MXI1: variants seen among roughly 807,000 people sequenced by gnomAD.
MXI1 encodes max-interacting protein 1.
Under a neutral mutation model 36.9 loss-of-function variants are expected in MXI1, and 18 were observed. That is an observed-to-expected ratio of 0.49 (90% confidence interval 0.34 to 0.72). MXI1 has a LOEUF of 0.72. MXI1 is among the 30% of genes least tolerant of loss of function. MXI1 has a pLI of 0.01. For synonymous variants in MXI1, 160 were observed against 146.7 expected, an observed-to-expected ratio of 1.09 and a Z score of -0.65; for missense variants, 304 against 379.1, an observed-to-expected ratio of 0.80 and a Z score of 1.64.
chr10:110,208,841 C>T (rs565443404), intron 1 of MXI1, among the ~76,000 whole-genome samples: 2 of 151,318 alleles, frequency 1.3e-5, no homozygotes, highest in South Asian at 4.2e-4. Flanking sequence ...CGTGGGGACG[C>T]GGCTAGAAGG....
At chr10:110,216,334 C>A (rs1344786138) in intron 1 of MXI1, among the ~76,000 whole-genome samples, 1 of 152,118 alleles carries the variant, frequency 6.6e-6, no homozygotes, top group Non-Finnish European at 1.5e-5. Context: ...TTTATTCATT[C>A]ATTAATTAAA....
In MXI1 at chr10:110,218,853, C is replaced by G. The variant is rs553111749; in HGVS notation, c.275-9336C>G. 7.4e-4 allele frequency among the ~76,000 whole-genome samples: 113 copies of G among 152,316 alleles called. 1 individual carries two copies. Among genetic ancestry groups the G allele is most frequent in the South Asian group, 1.7e-3 (8 of 4,832 alleles). Reference sequence around the variant, plus strand: ...GAGCCAAGGGCTTCTGCCAGGGAAGCCAGAGGAGAGAGGCAAGTGTGAGCT... The same window carrying G: ...GAGCCAAGGGCTTCTGCCAGGGAAGGCAGAGGAGAGAGGCAAGTGTGAGCT... On this transcript the variant is annotated intron_variant, in intron 1 of 5. Transcript: ENST00000332674.
At position 110,236,961 on chromosome 10, in the gene MXI1, T is replaced by C. The variant is rs923325464; in HGVS notation, c.408-7867T>C. On this transcript the variant is annotated intron_variant, in intron 2 of 5. Coordinates refer to ENST00000332674, the MANE Select transcript of MXI1 (RefSeq NM_130439.3). ...TAGATATTTTCAAATTTCAGCAGTA[T>C]TTTTTAGGTTTTCAGAGTATGGGTC... Among the ~76,000 whole-genome samples the C allele has an allele frequency of 1.1e-4, 16 of 152,342 alleles. No homozygotes were observed. In the South Asian group the frequency reaches 3.1e-3, roughly 30 times the overall value.
At chr10:110,241,885 T>C (rs149560295) in intron 2 of MXI1, among the ~76,000 whole-genome samples, 1 of 152,142 alleles carries the variant, frequency 6.6e-6, no homozygotes, top group East Asian at 1.9e-4. Context: ...GGCCAAGGCA[T>C]GTGTAATACT....
intron 1 of MXI1, among the ~76,000 whole-genome samples, chr10:110,208,747 C>CT (rs1854427855): frequency 2.7e-5 from 4 of 148,684 alleles, no homozygotes; most frequent in Admixed American, 1.3e-4. Flanking sequence ...GCCGCCCCCC[C>CT]CCCCCCAAAG....
intron 3 of MXI1, among the ~76,000 whole-genome samples, chr10:110,251,368 A>T (rs1856079827): frequency 6.6e-6 from 1 of 152,152 alleles, no homozygotes; most frequent in African/African-American, 2.4e-5. Flanking sequence ...TGGCATCATG[A>T]TAGATCAAAT....
At position 110,286,364 on chromosome 10, in the gene MXI1, C is replaced by A. The variant is rs926285873; in HGVS notation, c.*1377C>A. ...GCCTGCACTTTGATGTCATGTGTTC[C>A]CTTTGTCTTTCAAACTCCAAGGTTC... is the stretch of plus-strand genomic sequence containing the variant. On this transcript the variant is annotated 3_prime_UTR_variant, in exon 6 of 6. Coordinates refer to ENST00000332674, the MANE Select transcript of MXI1 (RefSeq NM_130439.3). The A allele has an allele frequency of 2.0e-5, 3 of 152,158 alleles. No homozygotes were observed. Among genetic ancestry groups the A allele is most frequent in the Non-Finnish European group, 4.4e-5 (3 of 67,918 alleles). 9.4% of individuals were successfully genotyped at this position (152,158 alleles called of 1,614,324 possible). A position where few individuals can be genotyped will look rare whatever the true frequency, so the allele number is the denominator to read the frequency against.
rs1056222569 is a variant in MXI1, at chr10:110,234,801, G to A, written c.407+6480G>A. On this transcript the variant is annotated intron_variant, in intron 2 of 5. Coordinates refer to ENST00000332674, the MANE Select transcript of MXI1 (RefSeq NM_130439.3). ...TTTAACTTCGAGAATATGTTTAAGAGCAATTATTTTAACCTTCAAAATTCT... is the reference window on the plus strand; with the variant it reads ...TTTAACTTCGAGAATATGTTTAAGAACAATTATTTTAACCTTCAAAATTCT... Among the ~76,000 whole-genome samples, 4 of 152,058 alleles carry A rather than the reference G, an allele frequency of 2.6e-5. No homozygotes were observed. In the East Asian group the frequency reaches 7.7e-4, roughly 29 times the overall value.
chr10:110,240,123 C>T (rs1015207942), intron 2 of MXI1, among the ~76,000 whole-genome samples: 6 of 151,974 alleles, frequency 3.9e-5, no homozygotes, highest in Non-Finnish European at 7.4e-5. Flanking sequence ...ATTCTCATTG[C>T]TGTGTAATAT....
At chr10:110,267,597 AG>A (rs1856718267) in intron 3 of MXI1, among the ~76,000 whole-genome samples, 1 of 152,224 alleles carries the variant, frequency 6.6e-6, no homozygotes, top group Non-Finnish European at 1.5e-5. Flanking sequence ...TCTCTAAATA[AG>A]GTTCTTTTTT....
intron 5 of MXI1, among the ~76,000 whole-genome samples, chr10:110,281,820 A>T (rs1447618914): frequency 6.6e-6 from 1 of 152,126 alleles, no homozygotes; most frequent in African/African-American, 2.4e-5. Flanking sequence ...ACTTCCTGTT[A>T]TGTCAGTATT....
At chr10:110,243,541 T>G (rs1057048070) in intron 2 of MXI1, among the ~76,000 whole-genome samples, 2 of 152,086 alleles carry the variant, frequency 1.3e-5, no homozygotes, top group Non-Finnish European at 2.9e-5. Context: ...ATTAAAGCCA[T>G]AAATATTCTT....
At chr10:110,223,087 T>C (rs972218060) in intron 1 of MXI1, among the ~76,000 whole-genome samples, 1 of 152,198 alleles carries the variant, frequency 6.6e-6, no homozygotes, top group Non-Finnish European at 1.5e-5. Flanking sequence ...ATCTCCCTCT[T>C]GGCCATGGCT....
At chr10:110,268,099 G>A (rs1259051836) in intron 3 of MXI1, among the ~76,000 whole-genome samples, 1 of 152,154 alleles carries the variant, frequency 6.6e-6, no homozygotes, top group Non-Finnish European at 1.5e-5. Flanking sequence ...ATACTTAGGC[G>A]AGAGAGCCAC....
chr10:110,250,795 G>A (rs965347595), intron 3 of MXI1, among the ~76,000 whole-genome samples: 12 of 144,942 alleles, frequency 8.3e-5, no homozygotes, highest in Non-Finnish European at 7.5e-5. Context: ...TCACACCACT[G>A]CATTCCAGCC....
chr10:110,263,859 G>A (rs773427835), intron 3 of MXI1, among the ~76,000 whole-genome samples: 3 of 152,132 alleles, frequency 2.0e-5, no homozygotes, highest in Non-Finnish European at 2.9e-5. Flanking sequence ...TTTCATGGAA[G>A]TTTCCATGAT....
chr10:110,279,258 A>C lies in MXI1; in HGVS notation c.516A>C (p.Thr172=). 1.2e-6 allele frequency: 2 copies of C among 1,614,180 alleles called. No individual in the cohort carries two copies. Among genetic ancestry groups the C allele is most frequent in the Non-Finnish European group, 1.7e-6 (2 of 1,180,010 alleles). ...GACCAGACTGCACCCGGCACACAAC[A>C]CTTGGTTTGCTCAACAAAGCCAAAG... ...PLGPDCTRHT[T]LGLLNKAKAH... is the part of the protein sequence containing the mutation. Residue 172 remains threonine, a synonymous_variant, in exon 4 of 6, where the codon ACA becomes ACC. Coordinates refer to ENST00000332674, the MANE Select transcript of MXI1 (RefSeq NM_130439.3).
intron 1 of MXI1, among the ~76,000 whole-genome samples, chr10:110,209,685 G>C (rs1222998067): frequency 6.6e-6 from 1 of 152,208 alleles, no homozygotes; most frequent in Non-Finnish European, 1.5e-5. Context: ...GGGAAGCTAT[G>C]TGTGCATTTG....
intron 3 of MXI1, among the ~76,000 whole-genome samples, chr10:110,266,863 C>A (rs952206388): frequency 3.9e-5 from 6 of 152,112 alleles, no homozygotes; most frequent in Non-Finnish European, 8.8e-5. Context: ...AAAATTTTAA[C>A]CCATAACCTA....
Sources: allele counts gnomAD v4.1 joint callset (sites outside exome capture counted in the v4.1 genomes callset), GRCh38; gene constraint gnomAD v4.1.1; transcripts MANE v1.5; gene names NCBI Gene and HGNC (gene_info 2026-07-23, HGNC 2026-07-21).